MACROD2: variants seen among roughly 807,000 people sequenced by gnomAD.
The protein encoded by MACROD2 is mono-ADP ribosylhydrolase 2, also known as ADP-ribose glycohydrolase MACROD2.
MACROD2 carries 36 observed loss-of-function variants against 70.4 expected under a neutral mutation model. The ratio of observed to expected loss-of-function variants is 0.51; its 90% CI spans 0.39 to 0.68. The LOEUF (loss-of-function observed/expected upper bound fraction) is 0.68, where lower values mean the gene tolerates loss of function less well. Among genes scored for constraint, MACROD2 ranks in the 30% least tolerant of loss-of-function variants. MACROD2 has a pLI of 0.00. For synonymous variants in MACROD2, 172 were observed against 178.8 expected (o/e 0.96, Z 0.30); for missense variants, 496 against 538.4 (o/e 0.92, Z 0.78).
chr20:14,910,388 G>A (rs1436535390), intron 5 of MACROD2, among the ~76,000 whole-genome samples: 2 of 152,126 alleles, frequency 1.3e-5, no homozygotes, highest in Non-Finnish European at 2.9e-5. Context: ...ATTAATGTGT[G>A]CAAGGAAAAC....
intron 8 of MACROD2, among the ~76,000 whole-genome samples, chr20:15,713,420 T>C (rs923641994): frequency 6.6e-6 from 1 of 152,194 alleles, no homozygotes; most frequent in East Asian, 1.9e-4. Context: ...AAAAGAAGTT[T>C]AATTTGCTCA....
At chr20:13,997,404 G>T (rs535687954) in intron 1 of MACROD2, among the ~76,000 whole-genome samples, 2 of 152,034 alleles carry the variant, frequency 1.3e-5, no homozygotes, top group African/African-American at 4.8e-5. Context: ...TGAAATGTTC[G>T]CTTTGTATAA....
chr20:14,112,176 G>A, intron 3 of MACROD2, among the ~76,000 whole-genome samples: 1 of 151,930 alleles, frequency 6.6e-6, no homozygotes, highest in Admixed American at 6.6e-5. Flanking sequence ...TTGAATTCAT[G>A]GAGATAGAGA....
intron 5 of MACROD2, among the ~76,000 whole-genome samples, chr20:15,147,146 G>A (rs141214206): frequency 5.9e-5 from 9 of 152,186 alleles, no homozygotes; most frequent in East Asian, 5.8e-4. Flanking sequence ...CCCTGGGGGC[G>A]GGAGCTCCAC....
In MACROD2 at chr20:14,326,647, G is replaced by A; in HGVS notation, c.272-166832G>A. The A allele has an allele frequency of 1.2e-6, 2 of 1,613,758 alleles. No individual in the cohort carries two copies. Among genetic ancestry groups the A allele is most frequent in the Non-Finnish European group, 1.7e-6 (2 of 1,179,814 alleles). ...GTCCAAATCATCAAAGATACCCTGA[G>A]GTAAATTACTTAGGTTATTATTGGA... On this transcript the variant is annotated intron_variant, in intron 3 of 17. Transcript: ENST00000684519. This position sits in a 1 kb window ranked among gnomAD's most constrained non-coding sequence, Gnocchi z 5.5.
chr20:14,969,574 G>A (rs1257752236), intron 5 of MACROD2, among the ~76,000 whole-genome samples: 1 of 151,970 alleles, frequency 6.6e-6, no homozygotes, highest in Non-Finnish European at 1.5e-5. Flanking sequence ...GTAGTCGTAA[G>A]AAAAATATAT....
In MACROD2 at chr20:14,595,500, C is replaced by T. The variant is rs138514824; in HGVS notation, c.302-89343C>T. 7.0e-3 allele frequency among the ~76,000 whole-genome samples: 1,067 copies of T among 152,264 alleles called. 10 individuals carry two copies. Among genetic ancestry groups the T allele is most frequent in the African/African-American group, 0.024 (1,009 of 41,566 alleles). On this transcript the variant is annotated intron_variant, in intron 4 of 17. Coordinates refer to ENST00000684519, the MANE Select transcript of MACROD2 (RefSeq NM_001351661.2). ...TGCAGTTTTTAGTTTTTCCCGGGAA[C>T]CCCCTTACACTTGGCTGTCTCAATA...
intron 5 of MACROD2, among the ~76,000 whole-genome samples, chr20:14,713,408 A>G (rs6079533): frequency 0.024 from 3,664 of 152,244 alleles, 110 homozygotes; most frequent in Non-Finnish European, 0.029. Flanking sequence ...TTTTGTTTTT[A>G]TCACTCCAGA....
chr20:15,408,466 C>CT (rs2046033564), intron 6 of MACROD2, among the ~76,000 whole-genome samples: 1 of 152,150 alleles, frequency 6.6e-6, no homozygotes, highest in African/African-American at 2.4e-5. Flanking sequence ...TTTTTAAAGT[C>CT]TTTTTTATCT....
intron 8 of MACROD2, among the ~76,000 whole-genome samples, chr20:15,644,040 A>G (rs2049502736): frequency 6.6e-6 from 1 of 152,178 alleles, no homozygotes; most frequent in South Asian, 2.1e-4. Flanking sequence ...TTATTTAGAC[A>G]TATACCATAC....
At chr20:14,399,773 CCTCTT>C (rs748541928) in intron 3 of MACROD2, among the ~76,000 whole-genome samples, 6 of 152,080 alleles carry the variant, frequency 3.9e-5, no homozygotes, top group Non-Finnish European at 8.8e-5. Flanking sequence ...TCTTTTCCAT[CCTCTT>C]CTCTGTTTTA....
intron 5 of MACROD2, among the ~76,000 whole-genome samples, chr20:15,042,947 A>G (rs1391627802): frequency 6.6e-6 from 1 of 152,148 alleles, no homozygotes; most frequent in East Asian, 1.9e-4. Flanking sequence ...CTTTAAGCTC[A>G]ATGGTTTAGG....
intron 3 of MACROD2, among the ~76,000 whole-genome samples, chr20:14,277,587 G>C (rs1174580109): frequency 6.6e-6 from 1 of 152,104 alleles, no homozygotes; most frequent in Non-Finnish European, 1.5e-5. Flanking sequence ...AAACATGGTG[G>C]GCTGAAGATC....
chr20:14,286,816 C>T (rs1206230446), intron 3 of MACROD2, among the ~76,000 whole-genome samples: 1 of 152,074 alleles, frequency 6.6e-6, no homozygotes, highest in African/African-American at 2.4e-5. Flanking sequence ...TAAATTTCCT[C>T]CTGATATTCT....
chr20:14,743,185 T>G (rs1014460891), intron 5 of MACROD2, among the ~76,000 whole-genome samples: 1 of 152,184 alleles, frequency 6.6e-6, no homozygotes, highest in Non-Finnish European at 1.5e-5. Flanking sequence ...GAATTTTTAC[T>G]TAGACACAGC....
chr20:15,516,794 G>A (rs2047573755), intron 8 of MACROD2, among the ~76,000 whole-genome samples: 1 of 152,142 alleles, frequency 6.6e-6, no homozygotes, highest in Non-Finnish European at 1.5e-5. Context: ...TTAAAATTTA[G>A]TACTTTCTCC....
At chr20:14,967,190 T>TTTTG (rs752579275) in intron 5 of MACROD2, among the ~76,000 whole-genome samples, 8 of 152,184 alleles carry the variant, frequency 5.3e-5, no homozygotes, top group African/African-American at 1.4e-4. Context: ...TTTTTGTTAG[T>TTTTG]TTTGTTTGTT....
chr20:15,779,797 C>G (rs1406591892), intron 8 of MACROD2, among the ~76,000 whole-genome samples: 1 of 152,022 alleles, frequency 6.6e-6, no homozygotes, highest in Non-Finnish European at 1.5e-5. Flanking sequence ...AAAACACAAC[C>G]AAGAACCTGC....
rs182354985 is a variant in MACROD2, at chr20:14,155,635, T to A, written c.271+69907T>A. Among the ~76,000 whole-genome samples, 522 of 152,300 alleles carry A rather than the reference T, an allele frequency of 3.4e-3. 1 individual carries two copies. The highest frequency in any genetic ancestry group is 0.011 in the East Asian group (56 of 5,178). ...AAGATAAATGTGTTCCTGGCTTTTTTAATCTTAAAATAGGAAATTCATTTC... is the reference window on the plus strand; with the variant it reads ...AAGATAAATGTGTTCCTGGCTTTTTAAATCTTAAAATAGGAAATTCATTTC... On this transcript the variant is annotated intron_variant, in intron 3 of 17. Transcript: ENST00000684519.
Sources: gnomAD v4.1 joint callset for allele counts (sites outside exome capture counted in the v4.1 genomes callset) on GRCh38, gnomAD v4.1.1 for gene constraint, Gnocchi (gnomAD v3.1) non-coding constraint, MANE v1.5 for transcripts, NCBI Gene and HGNC (gene_info 2026-07-23, HGNC 2026-07-21) for gene names.